The following AAK1 variants were observed in gnomAD, a reference collection of about 807,000 sequenced individuals.
The protein encoded by AAK1 is AP2 associated kinase 1.
AAK1 carries 37 observed loss-of-function variants against 116.0 expected under a neutral mutation model. The observed-to-expected ratio is 0.32, with a 90% CI of 0.25 to 0.42. The LOEUF (loss-of-function observed/expected upper bound fraction) is 0.42. Ranked by LOEUF, AAK1 falls within the 10% of genes least tolerant of loss-of-function variation. AAK1 has a pLI of 1.00. For missense variants in AAK1, 919 were observed against 1,170.6 expected (o/e 0.79, Z 3.14); for synonymous variants, 458 against 439.9 (o/e 1.04, Z -0.51).
intron 12 of AAK1, among the ~76,000 whole-genome samples, chr2:69,516,387 A>C (rs183146045): frequency 1.6e-4 from 25 of 152,288 alleles, no homozygotes; most frequent in Admixed American, 1.3e-3. Flanking sequence ...TTAGGAATAT[A>C]AATCCGAATT....
At chr2:69,556,500 C>G (rs974799296) in intron 3 of AAK1, among the ~76,000 whole-genome samples, 6 of 151,118 alleles carry the variant, frequency 4.0e-5, no homozygotes, top group Middle Eastern at 3.2e-3. Flanking sequence ...GGATTGGTAA[C>G]AGAGAGAGAG....
chr2:69,510,106 C>T (rs1676335362), intron 13 of AAK1, among the ~76,000 whole-genome samples: 1 of 151,752 alleles, frequency 6.6e-6, no homozygotes, highest in Non-Finnish European at 1.5e-5. Flanking sequence ...CAGGCAAACT[C>T]GTGTCACGGG....
chr2:69,622,099 G>C (rs1393104719), intron 2 of AAK1, among the ~76,000 whole-genome samples: 1 of 152,232 alleles, frequency 6.6e-6, no homozygotes, highest in African/African-American at 2.4e-5. Context: ...GTGCGGGCGG[G>C]AACCGGGGCT....
rs566979264 is a variant in AAK1 at position 69,622,322 on chromosome 2, C to T, written c.163+20556G>A. Among the ~76,000 whole-genome samples the T allele has an allele frequency of 2.2e-3, 328 of 152,288 alleles. 3 individuals carry two copies. The highest frequency in any genetic ancestry group is 7.2e-3 in the African/African-American group (301 of 41,582). On this transcript the variant is annotated intron_variant, in intron 2 of 21. Transcript: ENST00000409085. The stretch of plus-strand genomic sequence containing the variant: ...CATGCCTGAGCCTTCCCCCCTCCCC[C>T]GCCCGGCGGTGGGCTCCTGCGCAGC...
Position 69,480,897 on chromosome 2 carries a change from G to T in AAK1, c.2532C>A (p.Leu844=). The change falls in exon 19 of 22, where the codon CTC becomes CTA. Residue 844 remains leucine, a synonymous_variant. Coordinates refer to ENST00000409085, the MANE Select transcript of AAK1 (RefSeq NM_014911.5). ...PGLEPPVPQR[L]PSQTESVTSN... ...AGGTCACAGATTCCGTCTGAGATGG[G>T]AGGCGCTGGGGAACTGGGGGCTCCA... 6.2e-7 allele frequency: 1 copy of T among 1,606,768 alleles called. No individual in the cohort carries two copies.
Position 69,471,630 on chromosome 2 carries a change from T to A in AAK1, c.*4239A>T. On this transcript the variant is annotated 3_prime_UTR_variant, in exon 22 of 22. Coordinates refer to ENST00000409085, the MANE Select transcript of AAK1 (RefSeq NM_014911.5). ...GTTAGTGGCTATGGGAGCCTGATAA[T>A]CTTGCAGACAGAGAAGGTTAAGGAC... 1 of 985,384 alleles carries A rather than the reference T, an allele frequency of 1.0e-6. No individual in the cohort carries two copies. The highest frequency in any genetic ancestry group is 4.7e-5 in the South Asian group (1 of 21,284). The allele number at this position is 985,384 out of a possible 1,614,324, so 61.0% of individuals were successfully genotyped here. A position where few individuals can be genotyped will look rare whatever the true frequency, so the allele number is the denominator to read the frequency against.
intron 2 of AAK1, among the ~76,000 whole-genome samples, chr2:69,566,935 T>C (rs1051137985): frequency 6.6e-6 from 1 of 152,260 alleles, no homozygotes; most frequent in South Asian, 2.1e-4. Flanking sequence ...CTGGCAAATG[T>C]AGAGAGATAT....
At chr2:69,496,222 G>A (rs1184529250) in intron 16 of AAK1, 142 bp from the exon 17 acceptor site, 2 of 604,296 alleles carry the variant, frequency 3.3e-6, no homozygotes, top group African/African-American at 3.7e-5. Context: ...GAATAAAAGT[G>A]GCTGTAGCTC....
At chr2:69,527,500 A>G (rs1196100877) in intron 8 of AAK1, among the ~76,000 whole-genome samples, 181 bp from the exon 9 acceptor site, 1 of 152,180 alleles carries the variant, frequency 6.6e-6, no homozygotes, top group African/African-American at 2.4e-5. Context: ...TGTTCCTGAA[A>G]TATTTAATAT....
At chr2:69,543,818 T>C (rs1001243557) in intron 4 of AAK1, among the ~76,000 whole-genome samples, 2 of 152,218 alleles carry the variant, frequency 1.3e-5, no homozygotes, top group South Asian at 2.1e-4. Flanking sequence ...ACAATGGTTA[T>C]ATAAAATGCA....
At chr2:69,622,342 C>T (rs907092215) in intron 2 of AAK1, among the ~76,000 whole-genome samples, 8 of 151,644 alleles carry the variant, frequency 5.3e-5, no homozygotes, top group African/African-American at 7.2e-5. Flanking sequence ...TGGGCTCCTG[C>T]GCAGCCGGAG....
chr2:69,555,660 C>G (rs1464241527), intron 3 of AAK1, among the ~76,000 whole-genome samples: 1 of 152,188 alleles, frequency 6.6e-6, no homozygotes, highest in Non-Finnish European at 1.5e-5. Flanking sequence ...GCATTTACTT[C>G]ATGTCAAGCA....
Position 69,469,809 on chromosome 2 carries a change from G to A in AAK1, c.*6060C>T, listed in dbSNP as rs796938185. On this transcript the variant is annotated 3_prime_UTR_variant, in exon 22 of 22. Transcript: ENST00000409085. ...ACATACTTCTTTTTCTTGCTCTGAT[G>A]TAGGACTGTGTGCCAGGTTAGGCAC... 14 of 985,410 alleles carry A rather than the reference G, an allele frequency of 1.4e-5. No individual in the cohort carries two copies. The highest frequency in any genetic ancestry group is 1.7e-5 in the Non-Finnish European group (14 of 829,938). The allele number at this position is 985,410 out of a possible 1,614,324, so 61.0% of individuals were successfully genotyped here. A position where few individuals can be genotyped will look rare whatever the true frequency, so the allele number is the denominator to read the frequency against.
At chr2:69,634,260 C>T (rs185721843) in intron 2 of AAK1, among the ~76,000 whole-genome samples, 5 of 152,332 alleles carry the variant, frequency 3.3e-5, no homozygotes, top group Admixed American at 3.3e-4. Context: ...ATACTTGTAG[C>T]TAGGAGCCTC....
At chr2:69,496,320 T>G (rs1055070826) in intron 16 of AAK1, among the ~76,000 whole-genome samples, 1 of 147,620 alleles carries the variant, frequency 6.8e-6, no homozygotes, top group Non-Finnish European at 1.5e-5. Context: ...TCCACCAGGC[T>G]GGAGTGCAAT....
At chr2:69,529,286 ATCAAT>A (rs1558937879) in intron 8 of AAK1, among the ~76,000 whole-genome samples, 1 of 152,228 alleles carries the variant, frequency 6.6e-6, no homozygotes, top group Non-Finnish European at 1.5e-5. Context: ...AGGATTTATA[ATCAAT>A]CCATAACAGT....
At chr2:69,630,340 T>TGG (rs1354946859) in intron 2 of AAK1, among the ~76,000 whole-genome samples, 29 of 68,570 alleles carry the variant, frequency 4.2e-4, no homozygotes, top group East Asian at 1.2e-3. Flanking sequence ...GGGCGGGGGG[T>TGG]GGGGGGGGAG....
chr2:69,503,668 C>T (rs550597719), intron 16 of AAK1, among the ~76,000 whole-genome samples: 13 of 152,202 alleles, frequency 8.5e-5, no homozygotes, highest in East Asian at 1.9e-4. Flanking sequence ...TACAGGTGTG[C>T]GCCACCATGC....
At chr2:69,562,725 A>G (rs1420414670) in intron 2 of AAK1, among the ~76,000 whole-genome samples, 1 of 152,142 alleles carries the variant, frequency 6.6e-6, no homozygotes, top group East Asian at 1.9e-4. Context: ...CCCCGTCTCT[A>G]CTAAAAATAC....
Sources: allele counts gnomAD v4.1 joint callset (sites outside exome capture counted in the v4.1 genomes callset), GRCh38; gene constraint gnomAD v4.1.1; transcripts MANE v1.5; gene names NCBI Gene and HGNC (gene_info 2026-07-23, HGNC 2026-07-21).